The following CNOT11 variants were observed in gnomAD, a reference collection of about 807,000 sequenced individuals.
The protein encoded by CNOT11 is CCR4-NOT transcription complex subunit 11.
A neutral mutation model predicts 44.6 loss-of-function variants in CNOT11; 18 were observed. The ratio of observed to expected loss-of-function variants is 0.40; its 90% CI spans 0.28 to 0.60. The LOEUF (loss-of-function observed/expected upper bound fraction) is 0.60, where lower values mean the gene tolerates loss of function less well. CNOT11 is among the 20% of genes least tolerant of loss of function. The probability of loss-of-function intolerance (pLI) is 0.38; values close to 1 mark genes in which losing one functional copy is unlikely to be tolerated. For missense variants in CNOT11, 513 were observed against 677.0 expected, an observed-to-expected ratio of 0.76 and a Z score of 2.69; for synonymous variants, 291 against 270.9, an observed-to-expected ratio of 1.07 and a Z score of -0.73.
intron 5 of CNOT11, 106 bp downstream of exon 5, chr2:101,266,985 A>T (rs2104370123): frequency 1.3e-6 from 1 of 772,338 alleles, no homozygotes; most frequent in East Asian, 2.6e-5. Context: ...GCGTAAGATT[A>T]ACTATTAAAG....
intron 4 of CNOT11, among the ~76,000 whole-genome samples, chr2:101,265,751 G>A (rs1027860493): frequency 2.0e-5 from 3 of 152,110 alleles, no homozygotes; most frequent in East Asian, 3.9e-4. Flanking sequence ...AGGCTGGGAA[G>A]GGGAACCCGC....
intron 2 of CNOT11, among the ~76,000 whole-genome samples, chr2:101,258,395 C>CAATA (rs58613763): frequency 0.085 from 12,222 of 144,630 alleles, 512 homozygotes; most frequent in African/African-American, 0.1. Flanking sequence ...GACTCCATCT[C>CAATA]AATAAATAAA....
chr2:101,262,591 C>T lies in CNOT11; in HGVS notation c.732C>T (p.Leu244=), dbSNP rs777544142. The part of the protein sequence containing the change: ...TQSKASFPSI[L]SDPDPDSSNS... ...GCAAAGCGAGCTTCCCCAGTATTCT[C>T]AGTGACCCAGACCCGGATTCTTCTA... is the stretch of plus-strand genomic sequence containing the variant. Residue 244 remains leucine, a synonymous_variant, in exon 3 of 7, where the codon CTC becomes CTT. Transcript: ENST00000289382. 3.7e-6 allele frequency: 6 copies of T among 1,614,010 alleles called. No homozygotes were observed. The Admixed American group carries it at 8.3e-5, about 22-fold the overall frequency.
intron 4 of CNOT11, 54 bp from the exon 5 acceptor site, chr2:101,266,623 C>T: frequency 7.2e-7 from 1 of 1,390,806 alleles, no homozygotes; most frequent in Non-Finnish European, 1.0e-6. Context: ...AAAAAATTGA[C>T]TCAACACCCT....
chr2:101,268,684 T>C (rs1391959072), intron 5 of CNOT11, among the ~76,000 whole-genome samples: 1 of 152,246 alleles, frequency 6.6e-6, no homozygotes, highest in Admixed American at 6.5e-5. Flanking sequence ...CCACTCGTTT[T>C]TCTCATTAAA....
chr2:101,256,421 G>T (rs1681736692), intron 1 of CNOT11, among the ~76,000 whole-genome samples: 1 of 152,176 alleles, frequency 6.6e-6, no homozygotes, highest in Non-Finnish European at 1.5e-5. Flanking sequence ...AGTCAGTAGA[G>T]GGGGCAGGAG....
At chr2:101,259,067 G>A (rs962216812) in intron 2 of CNOT11, among the ~76,000 whole-genome samples, 2 of 151,726 alleles carry the variant, frequency 1.3e-5, no homozygotes, top group Admixed American at 6.6e-5. Context: ...CTGGGAGATC[G>A]AGGCTGCAGT....
intron 1 of CNOT11, 140 bp from the exon 2 acceptor site, chr2:101,257,651 G>T: frequency 1.6e-6 from 1 of 618,782 alleles, no homozygotes; most frequent in Non-Finnish European, 2.8e-6. Flanking sequence ...GTATATATTT[G>T]GTTGACTGAA....
At position 101,269,494 on chromosome 2, in the gene CNOT11, A is replaced by G; in HGVS notation, c.*81A>G. The G allele has an allele frequency of 7.7e-7, 1 of 1,298,014 alleles. No homozygotes were observed. The highest frequency in any genetic ancestry group is 1.1e-6 in the Non-Finnish European group (1 of 914,966). The allele number at this position is 1,298,014 out of a possible 1,614,324, so 80.4% of individuals were successfully genotyped here. Reference sequence around the variant, plus strand: ...TTTACACCGTTAAAACCCTGAGTGGATTGCTTGGTTTAATGCATATAAACA... The same window carrying G: ...TTTACACCGTTAAAACCCTGAGTGGGTTGCTTGGTTTAATGCATATAAACA... On this transcript the variant is annotated 3_prime_UTR_variant, in exon 7 of 7. Coordinates refer to ENST00000289382, the MANE Select transcript of CNOT11 (RefSeq NM_017546.5). This position sits in a 1 kb window ranked among gnomAD's most constrained non-coding sequence, Gnocchi z 4.8.
intron 1 of CNOT11, among the ~76,000 whole-genome samples, chr2:101,254,298 C>G (rs377122307): frequency 1.3e-5 from 2 of 152,238 alleles, no homozygotes; most frequent in South Asian, 2.1e-4. Flanking sequence ...ATCTTACATT[C>G]CTTAACCAGT....
In CNOT11 at chr2:101,266,862, A is replaced by G; in HGVS notation, c.1221A>G (p.Ser407=). The change falls in exon 5 of 7, where the codon TCA becomes TCG. Residue 407 remains serine, a synonymous_variant. Transcript: ENST00000289382. ...TCAATATGGACATGTCTTTACATTCAATGGAAGTTGTAAATCGGTAAGTTT... is the reference window on the plus strand; with the variant it reads ...TCAATATGGACATGTCTTTACATTCGATGGAAGTTGTAAATCGGTAAGTTT... ...VLVNMDMSLH[S]MEVVNRLTTA... is the part of the protein sequence containing the mutation. 6.2e-7 allele frequency: 1 copy of G among 1,613,166 alleles called. No individual in the cohort carries two copies. Among genetic ancestry groups the G allele is most frequent in the Non-Finnish European group, 8.5e-7 (1 of 1,179,132 alleles).
At chr2:101,258,813 C>CAA (rs34756086) in intron 2 of CNOT11, among the ~76,000 whole-genome samples, 5 of 99,766 alleles carry the variant, frequency 5.0e-5, no homozygotes, top group South Asian at 5.9e-4. Flanking sequence ...GAGTCTGTCT[C>CAA]AAAAAAAAAA....
rs1434200249 is a variant in CNOT11 at position 101,253,426 on chromosome 2, C to T, written c.462C>T (p.Asn154=). 6.5e-7 allele frequency: 1 copy of T among 1,547,226 alleles called. No homozygotes were observed. The highest frequency in any genetic ancestry group is 8.6e-7 in the Non-Finnish European group (1 of 1,158,866). Residue 154 remains asparagine, a synonymous_variant, in exon 1 of 7, where the codon AAC becomes AAT. Coordinates refer to ENST00000289382, the MANE Select transcript of CNOT11 (RefSeq NM_017546.5). This position sits in a 1 kb window ranked among gnomAD's most constrained non-coding sequence, Gnocchi z 4.3. Reference sequence around the variant, plus strand: ...CCGCCAGCTTCGCGCACCTGCTCAACCCCGCGCCGCCCGCCCGCGGCGGCC... The same window carrying T: ...CCGCCAGCTTCGCGCACCTGCTCAATCCCGCGCCGCCCGCCCGCGGCGGCC... ...PFAASFAHLL[N]PAPPARGGQE...
At chr2:101,254,341 C>G (rs1354367158) in intron 1 of CNOT11, among the ~76,000 whole-genome samples, 3 of 152,086 alleles carry the variant, frequency 2.0e-5, no homozygotes, top group Non-Finnish European at 4.4e-5. Context: ...TGAGTCAAGG[C>G]TAGGCAGTAG....
rs923799907 is a variant in CNOT11, at chr2:101,269,739, T to C, written c.*326T>C. The C allele has an allele frequency of 2.6e-5, 5 of 195,998 alleles. No individual in the cohort carries two copies. Among genetic ancestry groups the C allele is most frequent in the South Asian group, 1.4e-4 (1 of 7,142 alleles). 12.1% of individuals were successfully genotyped at this position (195,998 alleles called of 1,614,324 possible). A position where few individuals can be genotyped will look rare whatever the true frequency, so the allele number is the denominator to read the frequency against. On this transcript the variant is annotated 3_prime_UTR_variant, in exon 7 of 7. Transcript: ENST00000289382. The surrounding 1 kb of genome is among the most constrained non-coding windows in gnomAD (Gnocchi z 4.8). ...AAATGCATTTTTCATTAATACAGGC[T>C]TCTGATGAACCAGGAATCCTGTTTT... is the stretch of plus-strand genomic sequence containing the variant.
intron 2 of CNOT11, 89 bp from the exon 3 acceptor site, chr2:101,262,448 TTC>T (rs1681886582): frequency 8.5e-7 from 1 of 1,175,452 alleles, no homozygotes; most frequent in Non-Finnish European, 1.2e-6. Context: ...CCCTTTGTTT[TTC>T]TCTGTTACAG....
intron 5 of CNOT11, among the ~76,000 whole-genome samples, chr2:101,268,018 T>C (rs1452799119): frequency 1.3e-5 from 2 of 152,098 alleles, no homozygotes; most frequent in Non-Finnish European, 2.9e-5. Flanking sequence ...TCATCAACTA[T>C]TGGGGGAAAA....
At chr2:101,268,820 C>A (rs1011954679) in intron 5 of CNOT11, among the ~76,000 whole-genome samples, 1 of 151,910 alleles carries the variant, frequency 6.6e-6, no homozygotes, top group Non-Finnish European at 1.5e-5. Context: ...AAAATAATTG[C>A]GATATGTAAA....
At chr2:101,264,086 A>G (rs1681924738) in intron 3 of CNOT11, among the ~76,000 whole-genome samples, 1 of 152,214 alleles carries the variant, frequency 6.6e-6, no homozygotes, top group South Asian at 2.1e-4. Context: ...CAAATTTGGC[A>G]GGGCTAGGAT....
Sources: allele counts gnomAD v4.1 joint callset (sites outside exome capture counted in the v4.1 genomes callset), GRCh38; gene constraint gnomAD v4.1.1; non-coding constraint Gnocchi (gnomAD v3.1); transcripts MANE v1.5; gene names NCBI Gene and HGNC (gene_info 2026-07-23, HGNC 2026-07-21).